The following MARS1 variants were observed in gnomAD, a reference collection of about 807,000 sequenced individuals.
The protein encoded by MARS1 is methionyl-tRNA synthetase 1.
MARS1 carries 80 observed loss-of-function variants against 119.5 expected under a neutral mutation model. The ratio of observed to expected loss-of-function variants is 0.67; its 90% confidence interval spans 0.56 to 0.81. MARS1 has a LOEUF of 0.81. Among genes scored for constraint, MARS1 ranks in the 30% least tolerant of loss-of-function variants. The probability of loss-of-function intolerance (pLI) is 0.00; values close to 1 mark genes in which losing one functional copy is unlikely to be tolerated. For synonymous variants in MARS1, 418 were observed against 433.4 expected (o/e 0.96, Z 0.44); for missense variants, 945 against 1,116.5 (o/e 0.85, Z 2.19).
Position 57,498,619 on chromosome 12 carries a change from A to G in MARS1, c.1087A>G (p.Thr363Ala). 1 of 1,614,026 alleles carries G rather than the reference A, an allele frequency of 6.2e-7. No individual in the cohort carries two copies. Among genetic ancestry groups the G allele is most frequent in the Non-Finnish European group, 8.5e-7 (1 of 1,179,930 alleles). Residue 363 changes from threonine to alanine, a missense_variant, in exon 9 of 21, where the codon ACC (threonine) becomes GCC (alanine). Transcript: ENST00000262027. ...TGGTCGCACCACCACTCCACAGCAG[A>G]CCAAGTAAGTTTCCTCTAATGAGGC... ...IFGRTTTPQQTKITQDIFQQL... is the reference protein window; with the variant it reads ...IFGRTTTPQQAKITQDIFQQL...
chr12:57,493,845 ATAAT>A (rs1876387603), intron 7 of MARS1, among the ~76,000 whole-genome samples: 1 of 4,670 alleles, frequency 2.1e-4, no homozygotes, highest in Non-Finnish European at 3.6e-3. Context: ...ATTATAATAT[ATAAT>A]ATATATATTT....
chr12:57,497,978 T>C (rs1460402506), intron 7 of MARS1, among the ~76,000 whole-genome samples, 179 bp from the exon 8 acceptor site: 1 of 152,162 alleles, frequency 6.6e-6, no homozygotes, highest in Non-Finnish European at 1.5e-5. Context: ...TTTGCATCTC[T>C]GGGGATCTTA....
intron 15 of MARS1, among the ~76,000 whole-genome samples, chr12:57,513,261 T>G (rs1285628887): frequency 6.6e-6 from 1 of 152,108 alleles, no homozygotes; most frequent in Non-Finnish European, 1.5e-5. Flanking sequence ...CCCAGCAAAA[T>G]AGTTCACCTG....
At position 57,516,416 on chromosome 12, in the gene MARS1, C is replaced by T; in HGVS notation, c.2557-19C>T. On this transcript the variant is annotated intron_variant, in intron 20 of 20. Coordinates refer to ENST00000262027, the MANE Select transcript of MARS1 (RefSeq NM_004990.4). ...TTTTTCTTGCCTCACTGTTACCTCCCCACCCCCCTTTATCTTAGGGAAACA... is the reference window on the plus strand; with the variant it reads ...TTTTTCTTGCCTCACTGTTACCTCCTCACCCCCCTTTATCTTAGGGAAACA... 1 of 1,612,612 alleles carries T rather than the reference C, an allele frequency of 6.2e-7. No homozygotes were observed. Among genetic ancestry groups the T allele is most frequent in the Non-Finnish European group, 8.5e-7 (1 of 1,178,862 alleles).
intron 17 of MARS1, 39 bp downstream of exon 17, chr12:57,515,097 G>A (rs1299095847): frequency 6.2e-7 from 1 of 1,613,990 alleles, no homozygotes. Flanking sequence ...GCATAAAGTG[G>A]CTTGTAAGCT....
intron 7 of MARS1, among the ~76,000 whole-genome samples, chr12:57,497,450 C>G (rs1876688568): frequency 6.6e-6 from 1 of 152,078 alleles, no homozygotes; most frequent in Non-Finnish European, 1.5e-5. Context: ...AGTGTCAGTG[C>G]TAAAGAGGGG....
intron 7 of MARS1, among the ~76,000 whole-genome samples, chr12:57,496,880 T>C (rs1876663262): frequency 6.6e-6 from 1 of 152,158 alleles, no homozygotes; most frequent in African/African-American, 2.4e-5. Flanking sequence ...GAAGATCCTA[T>C]GGGCAGACTA....
intron 7 of MARS1, among the ~76,000 whole-genome samples, chr12:57,492,293 A>T (rs1876011515): frequency 6.6e-6 from 1 of 151,088 alleles, no homozygotes; most frequent in East Asian, 1.9e-4. Context: ...AAAAAAAAAA[A>T]GTCCAATGAA....
chr12:57,504,077 T>G, intron 10 of MARS1, 148 bp from the exon 11 acceptor site: 3 of 622,712 alleles, frequency 4.8e-6, no homozygotes, highest in Non-Finnish European at 8.7e-6. Flanking sequence ...ATGTTTAGAG[T>G]AGGCCACATA....
chr12:57,488,583 AACAC>A (rs759654369), intron 1 of MARS1: 1 of 1,549,692 alleles, frequency 6.5e-7, no homozygotes, highest in Non-Finnish European at 8.7e-7. Flanking sequence ...CTCCCCTCCT[AACAC>A]ACACACACGT....
chr12:57,493,509 A>ATATAATATATAATATAT lies in MARS1; in HGVS notation c.770+2900_770+2916dup, dbSNP rs1876197134. 6.9e-3 allele frequency among the ~76,000 whole-genome samples: 14 copies of ATATAATATATAATATAT among 2,018 alleles called. 5 individuals are homozygous for ATATAATATATAATATAT. The highest frequency in any genetic ancestry group is 0.012 in the African/African-American group (14 of 1,196). 1.3% of individuals were successfully genotyped at this position (2,018 alleles called of 152,430 possible). Reference sequence around the variant, plus strand: ...TATATAATATATTATAATATATAATATATAATATATAATATATTATAATAT... The same window carrying ATATAATATATAATATAT: ...TATATAATATATTATAATATATAATATATAATATATAATATATTATAATATATAATATATTATAATAT... On this transcript the variant is annotated intron_variant, in intron 7 of 20. Coordinates refer to ENST00000262027, the MANE Select transcript of MARS1 (RefSeq NM_004990.4).
intron 9 of MARS1, 40 bp downstream of exon 9, chr12:57,498,663 C>T (rs1876763665): frequency 6.3e-7 from 1 of 1,585,126 alleles, no homozygotes; most frequent in African/African-American, 1.3e-5. Context: ...GGCTTGAAGG[C>T]TGAGACTGGG....
In MARS1 at chr12:57,498,430, C is replaced by G; in HGVS notation, c.898C>G (p.Leu300Val). The G allele has an allele frequency of 6.2e-7, 1 of 1,613,826 alleles. No individual in the cohort carries two copies. Among genetic ancestry groups the G allele is most frequent in the Non-Finnish European group, 8.5e-7 (1 of 1,180,026 alleles). ...SADVFARYSRLRQWNTLYLCG... is the reference protein window; with the variant it reads ...SADVFARYSRVRQWNTLYLCG... ...CATATTCCCTTGCAGGTACTCTCGC[C>G]TCCGCCAGTGGAACACCCTCTATCT... Residue 300 changes from leucine (L) to valine (V), a missense_variant, in exon 9 of 21, where the codon CTC becomes GTC. Leu to Val is a conservative substitution (Grantham distance 32). Transcript: ENST00000262027.
intron 12 of MARS1, 54 bp from the exon 13 acceptor site, chr12:57,511,954 C>T (rs1315516199): frequency 3.1e-6 from 5 of 1,604,404 alleles, no homozygotes; most frequent in Middle Eastern, 3.3e-4. Flanking sequence ...TGTCTTGTTT[C>T]AGTTTGAGAC....
At chr12:57,496,773 T>A (rs1433409712) in intron 7 of MARS1, among the ~76,000 whole-genome samples, 1 of 146,266 alleles carries the variant, frequency 6.8e-6, no homozygotes, top group African/African-American at 2.5e-5. Flanking sequence ...GGAGACCCTG[T>A]CTCCAAAAAA....
Position 57,512,816 on chromosome 12 carries a change from G to A in MARS1, c.1819G>A (p.Ala607Thr). The change falls in exon 15 of 21, where the codon GCC becomes ACC. Residue 607 changes from alanine to threonine, a missense_variant. Physicochemically the swap from Ala to Thr is moderately conservative, Grantham distance 58. Coordinates refer to ENST00000262027, the MANE Select transcript of MARS1 (RefSeq NM_004990.4). ...SRGVGVFGDM[A>T]QDTGIPADIW... ...CGGTGTGGGAGTGTTTGGGGACATG[G>A]CCCAGGACACGGGGATCCCTGCTGA... is the stretch of plus-strand genomic sequence containing the variant. 1 of 1,614,228 alleles carries A rather than the reference G, an allele frequency of 6.2e-7. No homozygotes were observed. The highest frequency in any genetic ancestry group is 1.1e-5 in the South Asian group (1 of 91,080).
intron 1 of MARS1, chr12:57,488,798 C>T (rs1355003214): frequency 3.5e-6 from 3 of 856,372 alleles, no homozygotes; most frequent in Non-Finnish European, 5.5e-6. Flanking sequence ...CTGCAGTCCC[C>T]ATCTGTTGCT....
chr12:57,497,931 A>T (rs1876716175), intron 7 of MARS1, among the ~76,000 whole-genome samples: 1 of 152,138 alleles, frequency 6.6e-6, no homozygotes, highest in South Asian at 2.1e-4. Flanking sequence ...CCTTCATAGC[A>T]GTACAGGAGA....
chr12:57,503,697 A>G (rs1463790742), intron 10 of MARS1, among the ~76,000 whole-genome samples: 1 of 152,044 alleles, frequency 6.6e-6, no homozygotes, highest in African/African-American at 2.4e-5. Context: ...GCACGCCACC[A>G]TGCCCAGCTA....
Sources: allele counts gnomAD v4.1 joint callset (sites outside exome capture counted in the v4.1 genomes callset), GRCh38; gene constraint gnomAD v4.1.1; transcripts MANE v1.5; gene names NCBI Gene and HGNC (gene_info 2026-07-23, HGNC 2026-07-21).